The following KIAA0232 variants were observed in gnomAD, a reference collection of about 807,000 sequenced individuals.
KIAA0232 encodes uncharacterized protein KIAA0232.
KIAA0232 carries 27 observed loss-of-function variants against 122.0 expected under a neutral mutation model. The observed-to-expected ratio is 0.22, with a 90% CI of 0.16 to 0.31. The LOEUF is 0.31. KIAA0232 is among the 10% of genes least tolerant of loss of function. KIAA0232 has a pLI of 1.00. For synonymous variants in KIAA0232, 613 were observed against 587.6 expected (o/e 1.04, Z -0.63); for missense variants, 1,551 against 1,634.2 (o/e 0.95, Z 0.88).
intron 3 of KIAA0232, among the ~76,000 whole-genome samples, chr4:6,835,335 G>T (rs940711667): frequency 6.6e-6 from 1 of 152,076 alleles, no homozygotes; most frequent in South Asian, 2.1e-4. Context: ...ACAAGTTCAA[G>T]GGGAAGAAGC....
At chr4:6,857,839 C>A (rs2108786102) in intron 5 of KIAA0232, among the ~76,000 whole-genome samples, 1 of 152,284 alleles carries the variant, frequency 6.6e-6, no homozygotes, top group South Asian at 2.1e-4. Flanking sequence ...TGTTTCCTTG[C>A]CCTCTTTATG....
intron 1 of KIAA0232, among the ~76,000 whole-genome samples, chr4:6,802,451 T>G (rs922021863): frequency 8.5e-5 from 13 of 152,160 alleles, no homozygotes; most frequent in African/African-American, 3.1e-4. Context: ...TCTTAGAAAT[T>G]TTTTGATTGA....
At chr4:6,813,708 T>C (rs1717987004) in intron 2 of KIAA0232, among the ~76,000 whole-genome samples, 1 of 151,986 alleles carries the variant, frequency 6.6e-6, no homozygotes, top group Non-Finnish European at 1.5e-5. Flanking sequence ...CCATTTGGGG[T>C]TTATTATATC....
At chr4:6,810,478 A>G (rs894076365) in intron 2 of KIAA0232, among the ~76,000 whole-genome samples, 2 of 152,212 alleles carry the variant, frequency 1.3e-5, no homozygotes, top group African/African-American at 2.4e-5. Context: ...TAAAAATACT[A>G]GAATAAAACC....
At position 6,782,802 on chromosome 4, in the gene KIAA0232, CGCCCCCGCCG is replaced by C. The variant is rs1264316053; in HGVS notation, c.-389_-380del. 2.7e-5 allele frequency: 4 copies of C among 148,470 alleles called. No homozygotes were observed. Among genetic ancestry groups the C allele is most frequent in the African/African-American group, 7.3e-5 (3 of 40,992 alleles). The allele number at this position is 148,470 out of a possible 1,614,324, so 9.2% of individuals were successfully genotyped here. On this transcript the variant is annotated 5_prime_UTR_variant, in exon 1 of 10. Transcript: ENST00000307659. ...CAGCCCCTCGGAGCCAGAGGAGAGG[CGCCCCCGCCG>C]GCCGCCGCGCCGCCCGGCAGCCTCG... is the stretch of plus-strand genomic sequence containing the variant.
intron 2 of KIAA0232, among the ~76,000 whole-genome samples, chr4:6,816,184 G>A (rs890360739): frequency 6.6e-6 from 1 of 151,822 alleles, no homozygotes; most frequent in Admixed American, 6.6e-5. Context: ...TGGGTTTGAT[G>A]TATATATTAT....
intron 4 of KIAA0232, among the ~76,000 whole-genome samples, chr4:6,852,215 A>G (rs1720325076): frequency 6.6e-6 from 1 of 152,136 alleles, no homozygotes; most frequent in Non-Finnish European, 1.5e-5. Context: ...AAGGATAGGA[A>G]TCACAGCTCT....
intron 2 of KIAA0232, among the ~76,000 whole-genome samples, chr4:6,813,236 C>G (rs2108982770): frequency 6.6e-6 from 1 of 152,042 alleles, no homozygotes; most frequent in East Asian, 1.9e-4. Flanking sequence ...CAAAACAATT[C>G]CTCACTGCTC....
chr4:6,876,688 T>C lies in KIAA0232; in HGVS notation c.3939T>C (p.Ser1313=). The change falls in exon 9 of 10, where the codon AGT becomes AGC. Residue 1313 remains serine, a synonymous_variant. Transcript: ENST00000307659. The part of the protein sequence containing the change: ...EECYTNAKGE[S]GLEEYPDAKE... ...GTTACACAAATGCCAAGGGAGAGAG[T>C]GGTTTAGAAGAATATCCAGATGCTA... The C allele has an allele frequency of 6.2e-7, 1 of 1,612,078 alleles. No homozygotes were observed. The highest frequency in any genetic ancestry group is 1.1e-5 in the South Asian group (1 of 91,012).
At chr4:6,829,528 C>G (rs1011258885) in intron 3 of KIAA0232, among the ~76,000 whole-genome samples, 1 of 152,216 alleles carries the variant, frequency 6.6e-6, no homozygotes, top group African/African-American at 2.4e-5. Flanking sequence ...ACATAAGGAA[C>G]ATCACAGCAT....
chr4:6,861,476 G>C lies in KIAA0232; in HGVS notation c.1094G>C (p.Arg365Pro), dbSNP rs757542727. The change falls in exon 7 of 10, where the codon CGG (arginine) becomes CCG (proline). Residue 365 changes from arginine (R) to proline (P), a missense_variant. This residue lies in a region of KIAA0232 where 377 missense variants were observed against 381.7 expected (regional missense o/e 0.99). Transcript: ENST00000307659. Reference sequence around the variant, plus strand: ...GGTTCTGTCAAACAGCTGTGCAAGCGGGGTAAGAGACCTTTAAAAGAAATA... The same window carrying C: ...GGTTCTGTCAAACAGCTGTGCAAGCCGGGTAAGAGACCTTTAAAAGAAATA... The part of the protein sequence containing the change: ...SSGSVKQLCK[R>P]GKRPLKEIGR... 5.0e-6 allele frequency: 8 copies of C among 1,614,034 alleles called. No individual in the cohort carries two copies. The highest frequency in any genetic ancestry group is 3.3e-5 in the Admixed American group (2 of 59,992).
Position 6,824,595 on chromosome 4 carries a change from G to A in KIAA0232, c.142G>A (p.Glu48Lys), listed in dbSNP as rs1330326733. 1.9e-6 allele frequency: 3 copies of A among 1,614,066 alleles called. No homozygotes were observed. Among genetic ancestry groups the A allele is most frequent in the Non-Finnish European group, 2.5e-6 (3 of 1,180,034 alleles). The change falls in exon 3 of 10, where the codon GAG becomes AAG. Residue 48 changes from glutamate (E) to lysine (K), a missense_variant. Coordinates refer to ENST00000307659, the MANE Select transcript of KIAA0232 (RefSeq NM_014743.3). ...GCAGACCTGGCTGGGACAAGAGCTC[G>A]AGAAATGTGGCATTGATGCCATGAT... ...PVQTWLGQEL[E>K]KCGIDAMIYT...
intron 3 of KIAA0232, among the ~76,000 whole-genome samples, chr4:6,838,301 A>T (rs1362812419): frequency 6.7e-6 from 1 of 150,010 alleles, no homozygotes; most frequent in African/African-American, 2.5e-5. Flanking sequence ...CAATTCTCCC[A>T]CCTCAGCCTT....
chr4:6,868,448 G>A (rs1015281193), intron 7 of KIAA0232, among the ~76,000 whole-genome samples: 4 of 152,170 alleles, frequency 2.6e-5, no homozygotes, highest in African/African-American at 9.7e-5. Flanking sequence ...AAGGAGGATC[G>A]CTGGACGAGG....
At chr4:6,800,772 A>G (rs1452804981) in intron 1 of KIAA0232, among the ~76,000 whole-genome samples, 3 of 152,154 alleles carry the variant, frequency 2.0e-5, no homozygotes. Flanking sequence ...CAGAAATGTC[A>G]TTTGGTAACA....
intron 7 of KIAA0232, 46 bp from the exon 8 acceptor site, chr4:6,871,528 C>A: frequency 9.1e-7 from 1 of 1,099,584 alleles, no homozygotes; most frequent in Non-Finnish European, 1.4e-6. Flanking sequence ...CTTCCTCTAA[C>A]CTGAAAGTTT....
intron 1 of KIAA0232, among the ~76,000 whole-genome samples, chr4:6,792,699 T>TG (rs1372054823): frequency 3.3e-5 from 5 of 149,428 alleles, no homozygotes; most frequent in Admixed American, 1.3e-4. Flanking sequence ...TTTTTTGTTT[T>TG]TTTTTTTTGA....
In KIAA0232 at chr4:6,835,616, C is replaced by G. The variant is rs190297943; in HGVS notation, c.232-6451C>G. ...ATTTCTCCTAACGCTATCCCTCCCC[C>G]AGCTCCCCGCCTCCCAACAGGCCCC... is the stretch of plus-strand genomic sequence containing the variant. On this transcript the variant is annotated intron_variant, in intron 3 of 9. Coordinates refer to ENST00000307659, the MANE Select transcript of KIAA0232 (RefSeq NM_014743.3). Among the ~76,000 whole-genome samples the G allele has an allele frequency of 1.1e-4, 16 of 152,296 alleles. No homozygotes were observed. The East Asian group carries it at 1.2e-3, about 11-fold the overall frequency.
At chr4:6,783,121 G>GACC (rs1716426919) in intron 1 of KIAA0232, among the ~76,000 whole-genome samples, 1 of 151,984 alleles carries the variant, frequency 6.6e-6, no homozygotes, top group Non-Finnish European at 1.5e-5. Context: ...GCCTGAGGGA[G>GACC]GCCGGGCCGC....
Sources: allele counts gnomAD v4.1 joint callset (sites outside exome capture counted in the v4.1 genomes callset), GRCh38; gene constraint gnomAD v4.1.1; regional missense constraint gnomAD v4.1.1; transcripts MANE v1.5; gene names NCBI Gene and HGNC (gene_info 2026-07-23, HGNC 2026-07-21).